Variants in FER observed in about 807,000 individuals in gnomAD.
FER encodes FER tyrosine kinase, also known as tyrosine-protein kinase Fer.
Under a neutral mutation model 111.0 loss-of-function variants are expected in FER, and 63 were observed. That is an observed-to-expected ratio of 0.57 (90% CI 0.46 to 0.70). The LOEUF (loss-of-function observed/expected upper bound fraction) is 0.70. Among genes scored for constraint, FER ranks in the 30% least tolerant of loss-of-function variants. FER has a pLI of 0.00. For missense variants in FER, 914 were observed against 954.0 expected, an observed-to-expected ratio of 0.96 and a Z score of 0.55; for synonymous variants, 327 against 313.9, an observed-to-expected ratio of 1.04 and a Z score of -0.44.
At chr5:108,918,432 A>T (rs1051258500) in intron 10 of FER, among the ~76,000 whole-genome samples, 5 of 152,112 alleles carry the variant, frequency 3.3e-5, no homozygotes, top group Non-Finnish European at 5.9e-5. Context: ...AATTGATTTT[A>T]TCCAATAATA....
chr5:108,971,664 AAC>A (rs1367216399), intron 13 of FER, among the ~76,000 whole-genome samples: 1 of 152,154 alleles, frequency 6.6e-6, no homozygotes, highest in African/African-American at 2.4e-5. Flanking sequence ...ATAATATTAA[AAC>A]ACAGCTTAAT....
chr5:108,876,522 C>G (rs574063147), intron 8 of FER, among the ~76,000 whole-genome samples: 1 of 152,166 alleles, frequency 6.6e-6, no homozygotes, highest in African/African-American at 2.4e-5. Flanking sequence ...CAGTTCATGC[C>G]TATAGTGTCA....
chr5:109,079,948 C>T (rs1776796453), intron 16 of FER, among the ~76,000 whole-genome samples: 2 of 152,014 alleles, frequency 1.3e-5, no homozygotes, highest in Admixed American at 1.3e-4. Context: ...TTTTGTTTGC[C>T]AGCCTGTTGA....
At chr5:108,943,698 G>A (rs1037294686) in intron 10 of FER, among the ~76,000 whole-genome samples, 3 of 151,844 alleles carry the variant, frequency 2.0e-5, no homozygotes, top group African/African-American at 7.3e-5. Flanking sequence ...AGTAATTTAG[G>A]TATTTTTTTA....
chr5:108,951,590 T>C (rs1344808914), intron 11 of FER, among the ~76,000 whole-genome samples: 1 of 152,196 alleles, frequency 6.6e-6, no homozygotes, highest in Non-Finnish European at 1.5e-5. Flanking sequence ...TACATGAGAA[T>C]AGAAAAGATA....
chr5:109,187,601 TTCAGGACTCTGTC>T lies in FER; in HGVS notation c.*27_*39del, dbSNP rs765912599. ...TGACAGGATGGCGCCAAACTCAGCC[TTCAGGACTCTGTC>T]CTCCAGCAGAGTAACATTATTGTTC... is the stretch of plus-strand genomic sequence containing the variant. On this transcript the variant is annotated 3_prime_UTR_variant, in exon 20 of 20. Transcript: ENST00000281092. 1 of 1,613,386 alleles carries T rather than the reference TTCAGGACTCTGTC, an allele frequency of 6.2e-7. No individual in the cohort carries two copies. The highest frequency in any genetic ancestry group is 1.1e-5 in the South Asian group (1 of 90,988).
chr5:108,750,522 T>A (rs547314595), intron 1 of FER, among the ~76,000 whole-genome samples: 3 of 152,346 alleles, frequency 2.0e-5, no homozygotes, highest in African/African-American at 7.2e-5. Context: ...GAAAGACCTT[T>A]AGTGAAGATC....
At chr5:108,977,441 C>T (rs1012446842) in intron 13 of FER, among the ~76,000 whole-genome samples, 11 of 152,008 alleles carry the variant, frequency 7.2e-5, no homozygotes, top group Non-Finnish European at 1.2e-4. Context: ...CTCAAATTTC[C>T]AAAAATATTT....
At chr5:109,143,886 T>A (rs1218870728) in intron 17 of FER, among the ~76,000 whole-genome samples, 1 of 150,694 alleles carries the variant, frequency 6.6e-6, no homozygotes, top group East Asian at 1.9e-4. Context: ...TATATATATA[T>A]CTATCTTGGG....
At chr5:108,979,318 T>C (rs1761761799) in intron 13 of FER, among the ~76,000 whole-genome samples, 2 of 152,170 alleles carry the variant, frequency 1.3e-5, no homozygotes, top group South Asian at 4.1e-4. Context: ...CTGTGAGACA[T>C]TGGACAATAT....
At chr5:108,918,289 A>G (rs1208964518) in intron 10 of FER, among the ~76,000 whole-genome samples, 1 of 152,156 alleles carries the variant, frequency 6.6e-6, no homozygotes, top group Non-Finnish European at 1.5e-5. Context: ...GGTGCCCTTG[A>G]CAATATCACT....
At chr5:108,836,234 A>G (rs1371829669) in intron 5 of FER, among the ~76,000 whole-genome samples, 2 of 152,098 alleles carry the variant, frequency 1.3e-5, no homozygotes, top group East Asian at 3.8e-4. Flanking sequence ...TTATAGCTTA[A>G]TTTTATGTGT....
At chr5:108,959,194 C>T in intron 12 of FER, 31 bp from the exon 13 acceptor site, 2 of 1,591,868 alleles carry the variant, frequency 1.3e-6, no homozygotes, top group South Asian at 1.2e-5. Flanking sequence ...AATGTCTTCA[C>T]ATTTATTCTA....
chr5:109,049,197 A>G (rs1014910249), intron 16 of FER, among the ~76,000 whole-genome samples: 3 of 152,160 alleles, frequency 2.0e-5, no homozygotes, highest in African/African-American at 7.2e-5. Context: ...GCTTAAAGTG[A>G]CACCCATTTT....
At chr5:109,028,282 G>C (rs1769069938) in intron 13 of FER, among the ~76,000 whole-genome samples, 1 of 152,168 alleles carries the variant, frequency 6.6e-6, no homozygotes, top group African/African-American at 2.4e-5. Context: ...AATGAATGCA[G>C]TAGATGAAGA....
At chr5:108,855,495 C>T (rs1009182655) in intron 5 of FER, among the ~76,000 whole-genome samples, 11 of 151,260 alleles carry the variant, frequency 7.3e-5, no homozygotes, top group African/African-American at 2.7e-4. Flanking sequence ...GTGGTGGGCG[C>T]CTGTAGTCCC....
At chr5:109,050,448 T>A (rs545238611) in intron 16 of FER, among the ~76,000 whole-genome samples, 1 of 152,172 alleles carries the variant, frequency 6.6e-6, no homozygotes, top group Non-Finnish European at 1.5e-5. Context: ...TACCAATACA[T>A]GACAAACAAA....
At chr5:109,089,678 G>C (rs1030625646) in intron 16 of FER, among the ~76,000 whole-genome samples, 1 of 152,172 alleles carries the variant, frequency 6.6e-6, no homozygotes, top group African/African-American at 2.4e-5. Context: ...CTTGAAATGA[G>C]TGAAAAAAGC....
chr5:108,963,650 T>C (rs755655809), intron 13 of FER, among the ~76,000 whole-genome samples: 9 of 152,212 alleles, frequency 5.9e-5, no homozygotes, highest in Non-Finnish European at 1.2e-4. Flanking sequence ...TTAAATTAAG[T>C]AATTGTAATT....
Sources: gnomAD v4.1 joint callset for allele counts (sites outside exome capture counted in the v4.1 genomes callset) on GRCh38, gnomAD v4.1.1 for gene constraint, MANE v1.5 for transcripts, NCBI Gene and HGNC (gene_info 2026-07-23, HGNC 2026-07-21) for gene names.